CATSPERD: variants seen among roughly 807,000 people sequenced by gnomAD.
CATSPERD encodes the protein catsper channel auxiliary subunit delta.
Under a neutral mutation model 98.1 loss-of-function variants are expected in CATSPERD, and 86 were observed. The ratio of observed to expected loss-of-function variants is 0.88; its 90% CI spans 0.74 to 1.05. CATSPERD has a LOEUF of 1.05. Among genes scored for constraint, CATSPERD ranks in the 50% least tolerant of loss-of-function variants. The pLI is 0.00. For missense variants in CATSPERD, 995 were observed against 1,005.7 expected (o/e 0.99, Z 0.14); for synonymous variants, 394 against 390.2 (o/e 1.01, Z -0.12).
intron 9 of CATSPERD, among the ~76,000 whole-genome samples, 182 bp from the exon 10 acceptor site, chr19:5,747,978 C>T (rs1234162966): frequency 1.3e-5 from 2 of 152,082 alleles, no homozygotes; most frequent in African/African-American, 2.4e-5. Flanking sequence ...TGTTTCAGTG[C>T]TGTATTCTCC....
chr19:5,763,337 G>A (rs1412641700), intron 16 of CATSPERD, 44 bp downstream of exon 16: 1 of 1,513,308 alleles, frequency 6.6e-7, no homozygotes, highest in African/African-American at 1.4e-5. Context: ...TGTCATAAGT[G>A]TTAAGACTCA....
chr19:5,777,672 C>T (rs1012098417), intron 21 of CATSPERD, among the ~76,000 whole-genome samples: 1 of 152,106 alleles, frequency 6.6e-6, no homozygotes, highest in Non-Finnish European at 1.5e-5. Flanking sequence ...CACTTGAAGT[C>T]AGGAGTTCGA....
chr19:5,732,475 T>C (rs1418846326), intron 4 of CATSPERD, among the ~76,000 whole-genome samples: 16 of 150,444 alleles, frequency 1.1e-4, no homozygotes. Context: ...CTCTGTCGCC[T>C]AGGCTGGAGT....
intron 13 of CATSPERD, among the ~76,000 whole-genome samples, chr19:5,756,415 G>A (rs561567284): frequency 4.6e-5 from 7 of 152,280 alleles, no homozygotes; most frequent in East Asian, 1.9e-4. Flanking sequence ...ATGGTTGCAC[G>A]ATATTGTGAA....
intron 6 of CATSPERD, among the ~76,000 whole-genome samples, chr19:5,737,575 C>T (rs1242802792): frequency 7.6e-6 from 1 of 130,952 alleles, no homozygotes; most frequent in African/African-American, 2.9e-5. Context: ...AAAGACTGGG[C>T]ATGGTGGCTC....
chr19:5,749,261 G>T lies in CATSPERD; in HGVS notation c.987+78G>T. 3.0e-6 allele frequency: 3 copies of T among 1,007,744 alleles called. No individual in the cohort carries two copies. In the South Asian group the frequency reaches 4.2e-5, roughly 14 times the overall value. The allele number at this position is 1,007,744 out of a possible 1,614,324, so 62.4% of individuals were successfully genotyped here. A position where few individuals can be genotyped will look rare whatever the true frequency, so the allele number is the denominator to read the frequency against. ...CATCCCAGCACTTTGGGAGGCTGAG[G>T]TGGAAGGATCACCTGAGGTCAGGAG... On this transcript the variant is annotated intron_variant, in intron 11 of 21. Coordinates refer to ENST00000381624, the MANE Select transcript of CATSPERD (RefSeq NM_152784.4).
chr19:5,745,939 C>G lies in CATSPERD; in HGVS notation c.684C>G (p.Pro228=). 1 of 1,614,112 alleles carries G rather than the reference C, an allele frequency of 6.2e-7. No homozygotes were observed. The highest frequency in any genetic ancestry group is 8.5e-7 in the Non-Finnish European group (1 of 1,180,010). Reference sequence around the variant, plus strand: ...GCATGTTCAAGTACTCAGATCACCCCCTCAACCGGAGTTTCGGGCTGTCTT... The same window carrying G: ...GCATGTTCAAGTACTCAGATCACCCGCTCAACCGGAGTTTCGGGCTGTCTT... ...GKGMFKYSDH[P]LNRSFGLSFD... Residue 228 remains proline, a synonymous_variant, in exon 9 of 22, where the codon CCC becomes CCG. Transcript: ENST00000381624.
At chr19:5,732,577 C>T (rs1250106615) in intron 4 of CATSPERD, among the ~76,000 whole-genome samples, 2 of 151,674 alleles carry the variant, frequency 1.3e-5, no homozygotes, top group African/African-American at 2.4e-5. Context: ...GGACTACAGG[C>T]GCCCGCCACC....
At chr19:5,769,293 C>CAAAA (rs35536683) in intron 18 of CATSPERD, among the ~76,000 whole-genome samples, 1 of 45,070 alleles carries the variant, frequency 2.2e-5, no homozygotes, top group Admixed American at 2.2e-4. Context: ...AACCTAGAGA[C>CAAAA]AAAAAAAAAA....
At chr19:5,754,302 C>T (rs1203588831) in intron 13 of CATSPERD, 57 bp downstream of exon 13, 1 of 1,245,280 alleles carries the variant, frequency 8.0e-7, no homozygotes, top group Non-Finnish European at 1.2e-6. Context: ...GCCTGGTGCC[C>T]ACTCCCAGAT....
intron 1 of CATSPERD, among the ~76,000 whole-genome samples, chr19:5,724,192 C>A (rs2055558869): frequency 6.6e-6 from 1 of 151,924 alleles, no homozygotes; most frequent in African/African-American, 2.4e-5. Flanking sequence ...TCCCAAAGCG[C>A]TGGGATTACA....
At chr19:5,762,058 A>ATATATATATTTTTTTTTTTTTTT in intron 15 of CATSPERD, among the ~76,000 whole-genome samples, 2 of 10,442 alleles carry the variant, frequency 1.9e-4, no homozygotes, top group Non-Finnish European at 3.6e-4. Flanking sequence ...ATATATATAT[A>ATATATATATTTTTTTTTTTTTTT]TTTTTTTTTT....
In CATSPERD at chr19:5,744,487, A is replaced by G. The variant is rs1322023565; in HGVS notation, c.634A>G (p.Met212Val). The change falls in exon 8 of 22, where the codon ATG (methionine) becomes GTG (valine). Residue 212 changes from methionine (M) to valine (V), a missense_variant. Met to Val is a conservative substitution (Grantham distance 21, BLOSUM62 1). Coordinates refer to ENST00000381624, the MANE Select transcript of CATSPERD (RefSeq NM_152784.4). ...CTTTTTTTCTTTGTCACAGGTTGCG[A>G]TGCTTGTAGTGAATCAAGGGAAGGT... Reference protein sequence around the residue: ...FHFFSLSQVAMLVVNQGKGMF... With the variant: ...FHFFSLSQVAVLVVNQGKGMF... 8 of 1,612,538 alleles carry G rather than the reference A, an allele frequency of 5.0e-6. No individual in the cohort carries two copies. Among genetic ancestry groups the G allele is most frequent in the Non-Finnish European group, 6.8e-6 (8 of 1,178,944 alleles).
chr19:5,750,450 C>CAG (rs750746149), intron 11 of CATSPERD, among the ~76,000 whole-genome samples: 6 of 48,660 alleles, frequency 1.2e-4, no homozygotes, highest in African/African-American at 5.1e-4. Flanking sequence ...GACTCTGTCT[C>CAG]AAAAAAAAAA....
At chr19:5,721,497 A>G (rs998461291) in intron 1 of CATSPERD, among the ~76,000 whole-genome samples, 1 of 152,116 alleles carries the variant, frequency 6.6e-6, no homozygotes, top group African/African-American at 2.4e-5. Context: ...GCATACTCCA[A>G]CCTGCCATGG....
intron 20 of CATSPERD, among the ~76,000 whole-genome samples, chr19:5,773,860 T>C (rs1374006702): frequency 2.6e-5 from 4 of 152,000 alleles, no homozygotes; most frequent in Admixed American, 2.6e-4. Context: ...ACAAAGAGAT[T>C]GCATCAGTCC....
At chr19:5,722,545 G>A (rs2055512049) in intron 1 of CATSPERD, among the ~76,000 whole-genome samples, 1 of 152,168 alleles carries the variant, frequency 6.6e-6, no homozygotes, top group South Asian at 2.1e-4. Flanking sequence ...GATTTGTCTC[G>A]AGTTCTGAAA....
At chr19:5,751,962 A>C in intron 12 of CATSPERD, 139 bp downstream of exon 12, 1 of 803,374 alleles carries the variant, frequency 1.2e-6, no homozygotes, top group Non-Finnish European at 1.8e-6. Flanking sequence ...CAGGAGTTCA[A>C]GACCAGCCTG....
rs2056279398 is a variant in CATSPERD at position 5,754,161 on chromosome 19, C to T, written c.1194C>T (p.Tyr398=). 2 of 1,612,970 alleles carry T rather than the reference C, an allele frequency of 1.2e-6. No individual in the cohort carries two copies. The highest frequency in any genetic ancestry group is 2.2e-5 in the South Asian group (2 of 91,040). Reference sequence around the variant, plus strand: ...AGTTTCTGACAGGAGAATTTATATACAGGATGTATACCATTGACATGCACA... The same window carrying T: ...AGTTTCTGACAGGAGAATTTATATATAGGATGTATACCATTGACATGCACA... ...KIEFLTGEFI[Y]RMYTIDMHSQ... is the part of the protein sequence containing the mutation. Residue 398 remains tyrosine, a synonymous_variant, in exon 13 of 22, where the codon TAC becomes TAT. Coordinates refer to ENST00000381624, the MANE Select transcript of CATSPERD (RefSeq NM_152784.4).
Sources: gnomAD v4.1 joint callset for allele counts (sites outside exome capture counted in the v4.1 genomes callset) on GRCh38, gnomAD v4.1.1 for gene constraint, MANE v1.5 for transcripts, NCBI Gene and HGNC (gene_info 2026-07-23, HGNC 2026-07-21) for gene names.